Variants in TMEM231 observed in about 807,000 individuals in gnomAD.
TMEM231 encodes the protein transmembrane protein 231.
In TMEM231, 40 loss-of-function variants were observed where a neutral mutation model predicts 38.5. The observed-to-expected ratio is 1.04, with a 90% CI of 0.81 to 1.35. TMEM231 has a LOEUF of 1.35. TMEM231 is among the 40% of genes most tolerant of loss of function. The pLI is 0.00. For missense variants in TMEM231, 420 were observed against 416.9 expected (o/e 1.01, Z -0.07); for synonymous variants, 199 against 181.7 (o/e 1.10, Z -0.77).
rs1191718766 is a variant in TMEM231 at position 75,537,975 on chromosome 16, C to A, written c.*2019G>T. Reference sequence around the variant, plus strand: ...AGAACTAGGGGACTTTCACCAAAGACCTCATGGAAGTTCCAAGGTCGTTAG... The same window carrying A: ...AGAACTAGGGGACTTTCACCAAAGAACTCATGGAAGTTCCAAGGTCGTTAG... On this transcript the variant is annotated 3_prime_UTR_variant, in exon 7 of 7. Transcript: ENST00000258173. The A allele has an allele frequency of 6.6e-6, 1 of 152,170 alleles. No homozygotes were observed. Among genetic ancestry groups the A allele is most frequent in the African/African-American group, 2.4e-5 (1 of 41,426 alleles). The allele number at this position is 152,170 out of a possible 1,614,324, so 9.4% of individuals were successfully genotyped here.
At chr16:75,543,055 T>C (rs1366399663) in intron 4 of TMEM231, among the ~76,000 whole-genome samples, 1 of 152,162 alleles carries the variant, frequency 6.6e-6, no homozygotes, top group African/African-American at 2.4e-5. Flanking sequence ...CCTCTTTATC[T>C]CAGCGGGAGA....
At chr16:75,554,655 A>G (rs1166375418) in intron 2 of TMEM231, among the ~76,000 whole-genome samples, 5 of 152,232 alleles carry the variant, frequency 3.3e-5, no homozygotes, top group Non-Finnish European at 5.9e-5. Context: ...CAGCTGATTA[A>G]TAAGTATTGA....
At chr16:75,541,257 T>C (rs2080624625) in intron 6 of TMEM231, 93 bp downstream of exon 6, 3 of 763,850 alleles carry the variant, frequency 3.9e-6, no homozygotes, top group Non-Finnish European at 5.9e-6. Context: ...TGGGTTCAAA[T>C]GATCCTCCCA....
rs2080565126 is a variant in TMEM231 at position 75,536,838 on chromosome 16, A to G, written c.*3156T>C. On this transcript the variant is annotated 3_prime_UTR_variant, in exon 7 of 7. Coordinates refer to ENST00000258173, the MANE Select transcript of TMEM231 (RefSeq NM_001077418.3). The stretch of plus-strand genomic sequence containing the variant: ...AAAGATGTGTGCCAGAATGCCAACC[A>G]TAATAACTTCTGTGATCAAACTGCT... 6.6e-6 allele frequency: 1 copy of G among 152,204 alleles called. No individual in the cohort carries two copies. The highest frequency in any genetic ancestry group is 1.5e-5 in the Non-Finnish European group (1 of 68,040). 9.4% of individuals were successfully genotyped at this position (152,204 alleles called of 1,614,324 possible). A position where few individuals can be genotyped will look rare whatever the true frequency, so the allele number is the denominator to read the frequency against.
rs930012511 is a variant in TMEM231, at chr16:75,555,766, C to G, written c.309+38G>C. ...ATTCCAGTCCCCATCCCCACCCTAT[C>G]CCCGACTCTGCCCCAGGCCCAGGCG... On this transcript the variant is annotated intron_variant, in intron 2 of 6. Transcript: ENST00000258173. 2.0e-6 allele frequency: 3 copies of G among 1,474,586 alleles called. No homozygotes were observed. The East Asian group carries it at 7.5e-5, about 37-fold the overall frequency. The allele number at this position is 1,474,586 out of a possible 1,614,324, so 91.3% of individuals were successfully genotyped here. A position where few individuals can be genotyped will look rare whatever the true frequency, so the allele number is the denominator to read the frequency against.
chr16:75,555,005 G>C (rs1358528543), intron 2 of TMEM231: 2 of 152,098 alleles, frequency 1.3e-5, no homozygotes, highest in African/African-American at 2.4e-5. Context: ...TGGCTTGTAG[G>C]GCAATCATCT....
chr16:75,549,054 G>C (rs1352793625), intron 2 of TMEM231, among the ~76,000 whole-genome samples: 1 of 152,102 alleles, frequency 6.6e-6, no homozygotes, highest in Non-Finnish European at 1.5e-5. Context: ...CTGGCAGAGT[G>C]GGTGAGAAGG....
chr16:75,543,343 G>C (rs989710420), intron 4 of TMEM231, among the ~76,000 whole-genome samples: 1 of 152,186 alleles, frequency 6.6e-6, no homozygotes, highest in Non-Finnish European at 1.5e-5. Flanking sequence ...CAGGCAGATG[G>C]ATCACTTGAG....
At chr16:75,540,620 G>T (rs770656451) in intron 6 of TMEM231, among the ~76,000 whole-genome samples, 3 of 152,198 alleles carry the variant, frequency 2.0e-5, no homozygotes, top group Non-Finnish European at 2.9e-5. Flanking sequence ...TTGCTTCTCT[G>T]CAGTGTTGGT....
chr16:75,542,518 G>C lies in TMEM231; in HGVS notation c.664+84C>G, dbSNP rs759560823. On this transcript the variant is annotated intron_variant, in intron 5 of 6. Transcript: ENST00000258173. ...CGGGTTTTGACATTTTCATCACAAG[G>C]GTTCCAGTTCTGCTTGTCTCTGTTG... 7 of 1,112,876 alleles carry C rather than the reference G, an allele frequency of 6.3e-6. No homozygotes were observed. In the Admixed American group the frequency reaches 6.8e-5, roughly 11 times the overall value. 68.9% of individuals were successfully genotyped at this position (1,112,876 alleles called of 1,614,324 possible). A position where few individuals can be genotyped will look rare whatever the true frequency, so the allele number is the denominator to read the frequency against.
intron 5 of TMEM231, among the ~76,000 whole-genome samples, chr16:75,542,205 G>A (rs925277984): frequency 2.0e-5 from 3 of 152,132 alleles, no homozygotes; most frequent in African/African-American, 7.2e-5. Flanking sequence ...GCTAATGTGG[G>A]GAGAGTCACC....
rs2550886 is a variant in TMEM231, at chr16:75,538,025, T to C, written c.*1969A>G. The C allele has an allele frequency of 0.27, 40,408 of 152,090 alleles. 5,491 individuals are homozygous for C. The highest frequency in any genetic ancestry group is 0.32 in the Middle Eastern group (95 of 294). The allele number at this position is 152,090 out of a possible 1,614,324, so 9.4% of individuals were successfully genotyped here. A position where few individuals can be genotyped will look rare whatever the true frequency, so the allele number is the denominator to read the frequency against. Reference sequence around the variant, plus strand: ...GGCAGAGCCTTGTAAAGCATGGCTGTAGATGAGTAATAAAGACAGGTGTGT... The same window carrying C: ...GGCAGAGCCTTGTAAAGCATGGCTGCAGATGAGTAATAAAGACAGGTGTGT... On this transcript the variant is annotated 3_prime_UTR_variant, in exon 7 of 7. Coordinates refer to ENST00000258173, the MANE Select transcript of TMEM231 (RefSeq NM_001077418.3).
chr16:75,555,845 TGAAGGCGGG>T lies in TMEM231; in HGVS notation c.259_267del (p.Pro87_Phe89del). 6.3e-7 allele frequency: 1 copy of T among 1,580,254 alleles called. No individual in the cohort carries two copies. Among genetic ancestry groups the T allele is most frequent in the Non-Finnish European group, 8.6e-7 (1 of 1,163,264 alleles). ...CGCAGGCGATCCCCTTGCAGCCGGT[TGAAGGCGGG>T]GAACGTGCTCCAGGCGAGGAACCCG... On this transcript the variant is annotated inframe_deletion, in exon 2 of 7. Transcript: ENST00000258173.
intron 2 of TMEM231, among the ~76,000 whole-genome samples, chr16:75,550,328 G>A (rs576255167): frequency 2.1e-4 from 32 of 152,332 alleles, no homozygotes; most frequent in Admixed American, 1.4e-3. Flanking sequence ...TTTGCTGGTT[G>A]TCCCTGTTTG....
intron 6 of TMEM231, 99 bp from the exon 7 acceptor site, chr16:75,540,273 G>A (rs2080607983): frequency 8.1e-7 from 1 of 1,239,280 alleles, no homozygotes; most frequent in Non-Finnish European, 1.1e-6. Context: ...AAAGGAGGCA[G>A]GACCTCTGTC....
intron 2 of TMEM231, among the ~76,000 whole-genome samples, chr16:75,547,039 T>C (rs2080701424): frequency 6.6e-6 from 1 of 152,214 alleles, no homozygotes; most frequent in Admixed American, 6.5e-5. Flanking sequence ...ACTCCTACCA[T>C]CCACAGTCTT....
chr16:75,537,219 C>T lies in TMEM231; in HGVS notation c.*2775G>A, dbSNP rs2080569141. 1 of 151,360 alleles carries T rather than the reference C, an allele frequency of 6.6e-6. No homozygotes were observed. Among genetic ancestry groups the T allele is most frequent in the South Asian group, 2.1e-4 (1 of 4,796 alleles). 9.4% of individuals were successfully genotyped at this position (151,360 alleles called of 1,614,324 possible). ...GTGATGAAATAATCTGTACACCAAA[C>T]CCCCAGGTTGTACAATTTAGCTATA... On this transcript the variant is annotated 3_prime_UTR_variant, in exon 7 of 7. Coordinates refer to ENST00000258173, the MANE Select transcript of TMEM231 (RefSeq NM_001077418.3).
At chr16:75,542,939 T>C (rs955185005) in intron 4 of TMEM231, among the ~76,000 whole-genome samples, 6 of 152,212 alleles carry the variant, frequency 3.9e-5, no homozygotes, top group Non-Finnish European at 7.3e-5. Flanking sequence ...GAATAAACTC[T>C]CTTGCAACAA....
At chr16:75,551,830 T>G (rs2080765271) in intron 2 of TMEM231, among the ~76,000 whole-genome samples, 1 of 151,626 alleles carries the variant, frequency 6.6e-6, no homozygotes, top group Non-Finnish European at 1.5e-5. Flanking sequence ...GCCGTGGTGG[T>G]GCCTGCCTGT....
Sources: gnomAD v4.1 joint callset for allele counts (sites outside exome capture counted in the v4.1 genomes callset) on GRCh38, gnomAD v4.1.1 for gene constraint, MANE v1.5 for transcripts, NCBI Gene and HGNC (gene_info 2026-07-23, HGNC 2026-07-21) for gene names.